Variants in PLCE1 observed in about 807,000 individuals in gnomAD.
PLCE1 encodes the protein 1-phosphatidylinositol 4,5-bisphosphate phosphodiesterase epsilon-1.
Under a neutral mutation model 242.8 loss-of-function variants are expected in PLCE1, and 119 were observed. The ratio of observed to expected loss-of-function variants is 0.49; its 90% CI spans 0.42 to 0.57. The LOEUF is 0.57. PLCE1 is among the 20% of genes least tolerant of loss of function. The pLI, the probability that PLCE1 is intolerant of heterozygous loss-of-function variation, is 0.00. For missense variants in PLCE1, 2,441 were observed against 2,788.8 expected (o/e 0.88, Z 2.81); for synonymous variants, 945 against 1,017.4 (o/e 0.93, Z 1.35).
At chr10:94,301,870 T>A (rs1378431009) in intron 24 of PLCE1, among the ~76,000 whole-genome samples, 1 of 151,910 alleles carries the variant, frequency 6.6e-6, no homozygotes, top group Non-Finnish European at 1.5e-5. Context: ...AAACTTCTTT[T>A]TTTAAAGAAT....
At chr10:94,265,754 T>C in intron 15 of PLCE1, 39 bp from the exon 16 acceptor site, 3 of 1,613,266 alleles carry the variant, frequency 1.9e-6, no homozygotes, top group Non-Finnish European at 2.5e-6. Flanking sequence ...AGTAGATGCA[T>C]TTTTCCCATG....
At chr10:94,198,531 C>A (rs182644270) in intron 4 of PLCE1, among the ~76,000 whole-genome samples, 3 of 152,186 alleles carry the variant, frequency 2.0e-5, no homozygotes, top group Non-Finnish European at 4.4e-5. Context: ...ATGACCACCA[C>A]GATCAGGATA....
chr10:94,031,963 A>G lies in PLCE1; in HGVS notation c.917A>G (p.Asn306Ser). The change falls in exon 2 of 33, where the codon AAT becomes AGT. Residue 306 changes from asparagine to serine, a missense_variant. Physicochemically the swap from Asn to Ser is conservative, Grantham distance 46. Coordinates refer to ENST00000371380, the MANE Select transcript of PLCE1 (RefSeq NM_016341.4). Reference sequence around the variant, plus strand: ...AGCCATTTTGAGGACTTCCCTGATAATTGTGATGATGTAGAAGAAGACGCT... The same window carrying G: ...AGCCATTTTGAGGACTTCCCTGATAGTTGTGATGATGTAGAAGAAGACGCT... ...FLSHFEDFPD[N>S]CDDVEEDAFK... 1 of 1,613,836 alleles carries G rather than the reference A, an allele frequency of 6.2e-7. No individual in the cohort carries two copies. The highest frequency in any genetic ancestry group is 8.5e-7 in the Non-Finnish European group (1 of 1,179,798).
intron 7 of PLCE1, among the ~76,000 whole-genome samples, chr10:94,244,095 T>G (rs2050597780): frequency 6.6e-6 from 1 of 152,204 alleles, no homozygotes; most frequent in African/African-American, 2.4e-5. Context: ...GACACTAAAA[T>G]TCAATATTTG....
At chr10:94,035,510 G>A (rs1409458112) in intron 2 of PLCE1, among the ~76,000 whole-genome samples, 1 of 152,130 alleles carries the variant, frequency 6.6e-6, no homozygotes, top group Non-Finnish European at 1.5e-5. Context: ...CTGGAGGCTG[G>A]GAGAGGTTGC....
At chr10:94,041,779 A>G (rs7089080) in intron 2 of PLCE1, among the ~76,000 whole-genome samples, 59,101 of 151,772 alleles carry the variant, frequency 0.39, 13,909 homozygotes, top group African/African-American at 0.67. Flanking sequence ...TAAGTTGGGG[A>G]GATCATTTCA....
intron 2 of PLCE1, among the ~76,000 whole-genome samples, chr10:94,058,673 G>T (rs2043968980): frequency 6.6e-6 from 1 of 152,032 alleles, no homozygotes; most frequent in Admixed American, 6.6e-5. Flanking sequence ...CCTGGGTTCT[G>T]GTGTCCTAGA....
At chr10:94,077,770 A>AAAAC (rs2044548596) in intron 2 of PLCE1, among the ~76,000 whole-genome samples, 1 of 152,200 alleles carries the variant, frequency 6.6e-6, no homozygotes, top group Non-Finnish European at 1.5e-5. Flanking sequence ...CTGTTTCAAA[A>AAAAC]AAACAAACAA....
At chr10:94,137,911 C>A in intron 3 of PLCE1, 1 of 348,980 alleles carries the variant, frequency 2.9e-6, no homozygotes, top group South Asian at 3.1e-5. Flanking sequence ...CTCACAAAGC[C>A]AGTGCTGAGG....
At chr10:94,191,511 G>A (rs567871878) in intron 4 of PLCE1, among the ~76,000 whole-genome samples, 6 of 152,122 alleles carry the variant, frequency 3.9e-5, no homozygotes, top group Admixed American at 1.3e-4. Context: ...TGTGGGGTAC[G>A]TGCCTGTAGT....
chr10:94,179,512 GTTTT>G (rs1554877545), intron 4 of PLCE1, among the ~76,000 whole-genome samples: 1 of 19,400 alleles, frequency 5.2e-5, no homozygotes, highest in Non-Finnish European at 1.0e-4. Context: ...TTTTAGTTTA[GTTTT>G]TTTTTTTTTT....
chr10:94,123,123 C>T (rs1490904057), intron 2 of PLCE1, among the ~76,000 whole-genome samples: 1 of 152,112 alleles, frequency 6.6e-6, no homozygotes, highest in African/African-American at 2.4e-5. Flanking sequence ...TAGAGCTTTG[C>T]TTAAGGTGTC....
intron 2 of PLCE1, among the ~76,000 whole-genome samples, chr10:94,040,484 T>C (rs2061744611): frequency 6.6e-6 from 1 of 152,070 alleles, no homozygotes; most frequent in Non-Finnish European, 1.5e-5. Flanking sequence ...GAGGAAGAGG[T>C]CGCCACATCA....
intron 2 of PLCE1, among the ~76,000 whole-genome samples, chr10:94,122,972 G>A (rs1328661362): frequency 6.6e-6 from 1 of 152,068 alleles, no homozygotes; most frequent in African/African-American, 2.4e-5. Context: ...TTTCTCCACT[G>A]TGCCCTTTCT....
chr10:94,306,819 A>G lies in PLCE1; in HGVS notation c.5884+131A>G, dbSNP rs1233764728. 2 of 784,168 alleles carry G rather than the reference A, an allele frequency of 2.6e-6. No individual in the cohort carries two copies. Among genetic ancestry groups the G allele is most frequent in the African/African-American group, 1.7e-5 (1 of 57,724 alleles). The allele number at this position is 784,168 out of a possible 1,614,324, so 48.6% of individuals were successfully genotyped here. A position where few individuals can be genotyped will look rare whatever the true frequency, so the allele number is the denominator to read the frequency against. The stretch of plus-strand genomic sequence containing the variant: ...AAGTTGAATTAAGAAGCAAAAGGAA[A>G]TACAAATTGGAGCACTTTTGAAGCA... On this transcript the variant is annotated intron_variant, in intron 26 of 32. Coordinates refer to ENST00000371380, the MANE Select transcript of PLCE1 (RefSeq NM_016341.4). This position sits in a 1 kb window ranked among gnomAD's most constrained non-coding sequence, Gnocchi z 5.7.
At chr10:94,118,964 A>G (rs766292555) in intron 2 of PLCE1, among the ~76,000 whole-genome samples, 2 of 152,132 alleles carry the variant, frequency 1.3e-5, no homozygotes, top group South Asian at 2.1e-4. Flanking sequence ...TTCCACTGCT[A>G]TCTTACAAAA....
chr10:94,165,290 T>C (rs1322560023), intron 3 of PLCE1, among the ~76,000 whole-genome samples: 1 of 152,202 alleles, frequency 6.6e-6, no homozygotes, highest in Non-Finnish European at 1.5e-5. Context: ...AGTTCGAGCT[T>C]CCCGGCTGCT....
chr10:94,114,685 G>GTT (rs1201508901), intron 2 of PLCE1, among the ~76,000 whole-genome samples: 3 of 151,106 alleles, frequency 2.0e-5, no homozygotes, highest in African/African-American at 7.3e-5. Flanking sequence ...TTCTTATTTT[G>GTT]TTGTGCCCTA....
chr10:94,305,026 T>C lies in PLCE1; in HGVS notation c.5622+381T>C, dbSNP rs1469162579. On this transcript the variant is annotated intron_variant, in intron 25 of 32. Transcript: ENST00000371380. The stretch of plus-strand genomic sequence containing the variant: ...GATCAAACTCATGTCAATATATAAA[T>C]ACAATTAAGTATATTTCCTCCGTAT... 2.0e-5 allele frequency among the ~76,000 whole-genome samples: 3 copies of C among 152,216 alleles called. No homozygotes were observed. In the East Asian group the frequency reaches 5.8e-4, roughly 29 times the overall value.
Sources: allele counts gnomAD v4.1 joint callset (sites outside exome capture counted in the v4.1 genomes callset), GRCh38; gene constraint gnomAD v4.1.1; non-coding constraint Gnocchi (gnomAD v3.1); transcripts MANE v1.5; gene names NCBI Gene and HGNC (gene_info 2026-07-23, HGNC 2026-07-21).